ROBO1: variants seen among roughly 807,000 people sequenced by gnomAD.
ROBO1 encodes roundabout guidance receptor 1.
A neutral mutation model predicts 195.9 loss-of-function variants in ROBO1; 149 were observed. That is an observed-to-expected ratio of 0.76 (90% CI 0.67 to 0.87). ROBO1 has a LOEUF of 0.87. Among genes scored for constraint, ROBO1 ranks in the 40% least tolerant of loss-of-function variants. ROBO1 has a pLI of 0.00. For missense variants in ROBO1, 1,933 were observed against 2,068.3 expected, an observed-to-expected ratio of 0.93 and a Z score of 1.27; for synonymous variants, 816 against 733.2, an observed-to-expected ratio of 1.11 and a Z score of -1.82.
At chr3:79,673,632 A>G (rs760062274) in intron 1 of ROBO1, among the ~76,000 whole-genome samples, 13 of 152,138 alleles carry the variant, frequency 8.5e-5, no homozygotes, top group South Asian at 4.1e-4. Flanking sequence ...GTTTCTAGAA[A>G]TTATATTGGG....
rs182977402 is a variant in ROBO1, at chr3:79,549,336, A to T, written c.88+40488T>A. Among the ~76,000 whole-genome samples, 775 of 152,318 alleles carry T rather than the reference A, an allele frequency of 5.1e-3. 11 individuals carry two copies. Among genetic ancestry groups the T allele is most frequent in the Middle Eastern group, 0.01 (3 of 294 alleles). On this transcript the variant is annotated intron_variant, in intron 2 of 30. Transcript: ENST00000464233. Reference sequence around the variant, plus strand: ...ATACATGTATGTACATATATATGATACACAAACAATAAACATATATAAATG... The same window carrying T: ...ATACATGTATGTACATATATATGATTCACAAACAATAAACATATATAAATG...
At chr3:78,602,864 CA>C (rs1272897755) in intron 29 of ROBO1, among the ~76,000 whole-genome samples, 7 of 152,148 alleles carry the variant, frequency 4.6e-5, no homozygotes, top group African/African-American at 1.7e-4. Flanking sequence ...TTCTCTAAGA[CA>C]GTGAATGACA....
At chr3:79,182,568 T>TGC (rs1553696468) in intron 2 of ROBO1, among the ~76,000 whole-genome samples, 3 of 151,724 alleles carry the variant, frequency 2.0e-5, no homozygotes, top group African/African-American at 7.3e-5. Flanking sequence ...TGTGTGTGTG[T>TGC]GTGCGTGCGT....
intron 2 of ROBO1, among the ~76,000 whole-genome samples, chr3:79,179,233 T>A (rs1306845570): frequency 6.6e-6 from 1 of 152,226 alleles, no homozygotes; most frequent in Non-Finnish European, 1.5e-5. Context: ...ATGTTACAGA[T>A]ACTAGTTTAG....
intron 2 of ROBO1, among the ~76,000 whole-genome samples, chr3:79,363,029 T>A (rs183717206): frequency 6.6e-6 from 1 of 152,308 alleles, no homozygotes; most frequent in East Asian, 1.9e-4. Context: ...TTTTAAGTGA[T>A]GTAATTTTCT....
intron 2 of ROBO1, among the ~76,000 whole-genome samples, chr3:79,320,494 A>C (rs1052700874): frequency 6.6e-6 from 1 of 151,894 alleles, no homozygotes; most frequent in Non-Finnish European, 1.5e-5. Flanking sequence ...TGCCCAGCTA[A>C]TTTTTGTAGT....
chr3:79,018,116 C>T (rs2077998393), intron 3 of ROBO1, among the ~76,000 whole-genome samples: 1 of 152,240 alleles, frequency 6.6e-6, no homozygotes, highest in South Asian at 2.1e-4. Flanking sequence ...AGTGCTTAGA[C>T]GTGCGTTTGC....
At chr3:78,715,364 T>C (rs2081875754) in intron 7 of ROBO1, 1 of 152,154 alleles carries the variant, frequency 6.6e-6, no homozygotes, top group South Asian at 2.1e-4. Flanking sequence ...ATCCAATTTG[T>C]CATTTTAGTC....
chr3:79,053,968 C>A (rs768661217), intron 3 of ROBO1, among the ~76,000 whole-genome samples: 1 of 152,088 alleles, frequency 6.6e-6, no homozygotes, highest in African/African-American at 2.4e-5. Context: ...GGTCTTACTT[C>A]TCTTTATGTT....
intron 2 of ROBO1, among the ~76,000 whole-genome samples, chr3:79,462,439 A>G (rs1018912780): frequency 2.0e-5 from 3 of 152,250 alleles, no homozygotes; most frequent in African/African-American, 7.2e-5. Flanking sequence ...AGATTTTAAG[A>G]AATCATTGTT....
chr3:79,528,918 C>G (rs1467573310), intron 2 of ROBO1, among the ~76,000 whole-genome samples: 2 of 152,120 alleles, frequency 1.3e-5, no homozygotes, highest in East Asian at 3.9e-4. Flanking sequence ...ATATGATAAG[C>G]CTTCTTGACA....
intron 3 of ROBO1, among the ~76,000 whole-genome samples, chr3:79,113,818 G>C (rs1482715470): frequency 6.6e-6 from 1 of 152,062 alleles, no homozygotes; most frequent in Non-Finnish European, 1.5e-5. Flanking sequence ...CCTTTATCCT[G>C]AACTTACTTC....
intron 4 of ROBO1, among the ~76,000 whole-genome samples, chr3:78,891,623 T>C (rs999729601): frequency 6.6e-6 from 1 of 152,154 alleles, no homozygotes; most frequent in African/African-American, 2.4e-5. Context: ...CATATGTCCA[T>C]AAAAATGCTT....
chr3:79,488,910 T>A (rs1306046366), intron 2 of ROBO1, among the ~76,000 whole-genome samples: 1 of 152,168 alleles, frequency 6.6e-6, no homozygotes, highest in East Asian at 1.9e-4. Context: ...TATTTATAAC[T>A]TTTGATGAAC....
At chr3:78,670,849 T>C (rs1238873335) in intron 10 of ROBO1, among the ~76,000 whole-genome samples, 2 of 152,240 alleles carry the variant, frequency 1.3e-5, no homozygotes, top group Non-Finnish European at 1.5e-5. Context: ...TTGAGTTCCC[T>C]GTGTCTTTTT....
At chr3:79,572,210 T>G (rs1184063636) in intron 2 of ROBO1, among the ~76,000 whole-genome samples, 2 of 152,120 alleles carry the variant, frequency 1.3e-5, no homozygotes, top group East Asian at 3.9e-4. Context: ...ACATTAAATA[T>G]TAAAGACCTT....
chr3:78,999,427 C>A lies in ROBO1; in HGVS notation c.173-60500G>T, dbSNP rs1310180999. On this transcript the variant is annotated intron_variant, in intron 3 of 30. Coordinates refer to ENST00000464233, the MANE Select transcript of ROBO1 (RefSeq NM_002941.4). ...TACAGCTGAAAGCCATTATCCTAAG[C>A]AAATTTACACAGGAACAGAAAACCA... 2.0e-5 allele frequency among the ~76,000 whole-genome samples: 3 copies of A among 152,032 alleles called. No individual in the cohort carries two copies. In the South Asian group the frequency reaches 6.2e-4, roughly 31 times the overall value.
intron 4 of ROBO1, among the ~76,000 whole-genome samples, chr3:78,749,072 A>C (rs1418034666): frequency 6.6e-6 from 1 of 152,184 alleles, no homozygotes; most frequent in African/African-American, 2.4e-5. Context: ...ACACAAATAA[A>C]ATATAAGGCC....
chr3:79,164,918 G>A (rs2081036029), intron 2 of ROBO1, among the ~76,000 whole-genome samples: 1 of 152,006 alleles, frequency 6.6e-6, no homozygotes, highest in Non-Finnish European at 1.5e-5. Flanking sequence ...ATATTACCTT[G>A]GCAAATCTGA....
Sources: allele counts gnomAD v4.1 joint callset (sites outside exome capture counted in the v4.1 genomes callset), GRCh38; gene constraint gnomAD v4.1.1; transcripts MANE v1.5; gene names NCBI Gene and HGNC (gene_info 2026-07-23, HGNC 2026-07-21).